The following C12orf56 variants were observed in gnomAD, a reference collection of about 807,000 sequenced individuals.
C12orf56 encodes the protein uncharacterized protein C12orf56.
A neutral mutation model predicts 69.9 loss-of-function variants in C12orf56; 71 were observed. The ratio of observed to expected loss-of-function variants is 1.02; its 90% confidence interval spans 0.84 to 1.24. The LOEUF is 1.24. Ranked by LOEUF, C12orf56 falls within the 50% of genes most tolerant of loss-of-function variation. The pLI is 0.00. For synonymous variants in C12orf56, 276 were observed against 274.1 expected (o/e 1.01, Z -0.07); for missense variants, 732 against 738.5 (o/e 0.99, Z 0.10).
At chr12:64,308,493 A>AT (rs2038546190) in intron 5 of C12orf56, among the ~76,000 whole-genome samples, 1 of 152,060 alleles carries the variant, frequency 6.6e-6, no homozygotes. Flanking sequence ...AAGCAATAAA[A>AT]TTTTTTATTA....
intron 1 of C12orf56, among the ~76,000 whole-genome samples, chr12:64,364,670 C>T (rs1312060996): frequency 6.6e-6 from 1 of 152,068 alleles, no homozygotes; most frequent in Non-Finnish European, 1.5e-5. Context: ...AGATTTCATC[C>T]CATGCACCTT....
At chr12:64,367,760 T>C (rs1178014759) in intron 1 of C12orf56, among the ~76,000 whole-genome samples, 1 of 150,694 alleles carries the variant, frequency 6.6e-6, no homozygotes, top group African/African-American at 2.4e-5. Flanking sequence ...TGCCGCAGCC[T>C]CCCAAAGTGC....
At chr12:64,349,744 A>T (rs796777825) in intron 2 of C12orf56, among the ~76,000 whole-genome samples, 104 of 152,312 alleles carry the variant, frequency 6.8e-4, no homozygotes, top group African/African-American at 2.4e-3. Flanking sequence ...AAAAGCAAAC[A>T]TTGTACATTT....
chr12:64,317,986 C>T (rs7133188), intron 4 of C12orf56, among the ~76,000 whole-genome samples: 67,811 of 151,684 alleles, frequency 0.45, 15,534 homozygotes, highest in African/African-American at 0.54. Flanking sequence ...ACACATATTC[C>T]AGGATAAGAC....
intron 5 of C12orf56, among the ~76,000 whole-genome samples, chr12:64,308,940 G>GAAAGAAAGAAAGAAAGAAAAAAGAAAGA (rs35488127): frequency 2.8e-4 from 23 of 80,872 alleles, no homozygotes; most frequent in African/African-American, 2.3e-4. Flanking sequence ...AAGAAAGAAA[G>GAAAGAAAGAAAGAAAGAAAAAAGAAAGA]AAGAAAGAAA....
At chr12:64,267,999 T>C (rs573525342) in intron 12 of C12orf56, among the ~76,000 whole-genome samples, 1 of 152,226 alleles carries the variant, frequency 6.6e-6, no homozygotes, top group African/African-American at 2.4e-5. Flanking sequence ...ATCCCTAATA[T>C]GAACATGTAA....
intron 5 of C12orf56, among the ~76,000 whole-genome samples, chr12:64,311,232 C>T (rs751419973): frequency 1.3e-5 from 2 of 151,732 alleles, no homozygotes; most frequent in Non-Finnish European, 2.9e-5. Context: ...GTCAGGAGTT[C>T]GAGACCAGCC....
At chr12:64,308,892 GAAA>G (rs1201730636) in intron 5 of C12orf56, among the ~76,000 whole-genome samples, 1 of 55,856 alleles carries the variant, frequency 1.8e-5, no homozygotes, top group African/African-American at 7.9e-5. Flanking sequence ...CAGAAAGGAA[GAAA>G]GAAAGAAAGA....
At chr12:64,300,363 G>A (rs1441152698) in intron 6 of C12orf56, among the ~76,000 whole-genome samples, 1 of 152,078 alleles carries the variant, frequency 6.6e-6, no homozygotes, top group African/African-American at 2.4e-5. Flanking sequence ...CTAGGCCACA[G>A]GTATCAGGCC....
chr12:64,315,823 G>T (rs4763015), intron 4 of C12orf56, among the ~76,000 whole-genome samples: 25 of 151,912 alleles, frequency 1.6e-4, no homozygotes, highest in Admixed American at 7.2e-4. Context: ...CCCAGCTACT[G>T]GAGAGGCTGA....
intron 1 of C12orf56, among the ~76,000 whole-genome samples, chr12:64,365,664 C>T (rs936707656): frequency 1.4e-5 from 2 of 145,624 alleles, no homozygotes; most frequent in Admixed American, 1.4e-4. Context: ...CTTTGGGAGG[C>T]TCAGGTATAT....
intron 6 of C12orf56, among the ~76,000 whole-genome samples, chr12:64,299,421 T>G (rs577410872): frequency 6.6e-6 from 1 of 152,324 alleles, no homozygotes; most frequent in Admixed American, 6.5e-5. Context: ...AATTAGAAGA[T>G]TTGTTTTAGC....
intron 4 of C12orf56, among the ~76,000 whole-genome samples, chr12:64,317,036 A>C (rs1382214973): frequency 6.6e-6 from 1 of 152,174 alleles, no homozygotes; most frequent in Non-Finnish European, 1.5e-5. Flanking sequence ...AAGTCAGGTA[A>C]GTTTTGGCTT....
chr12:64,390,300 C>G lies in C12orf56; in HGVS notation c.252+14G>C. The G allele has an allele frequency of 1.3e-6, 2 of 1,595,466 alleles. No homozygotes were observed. Among genetic ancestry groups the G allele is most frequent in the Middle Eastern group, 3.3e-4 (2 of 5,998 alleles). On this transcript the variant is annotated intron_variant, in intron 1 of 12. Transcript: ENST00000543942. Reference sequence around the variant, plus strand: ...CTGCGCTCCCGAGCCCGCCTGCCCACCCGCGCCGCTCACCAGGTCAATGGC... The same window carrying G: ...CTGCGCTCCCGAGCCCGCCTGCCCAGCCGCGCCGCTCACCAGGTCAATGGC...
At chr12:64,276,016 T>C (rs2038047550) in intron 9 of C12orf56, among the ~76,000 whole-genome samples, 1 of 143,982 alleles carries the variant, frequency 6.9e-6, no homozygotes, top group Non-Finnish European at 1.5e-5. Flanking sequence ...CCCCCGCGAG[T>C]TGAGGTGAGA....
At chr12:64,354,912 G>C (rs7958282) in intron 1 of C12orf56, among the ~76,000 whole-genome samples, 103,994 of 149,854 alleles carry the variant, frequency 0.69, 37,366 homozygotes, top group Non-Finnish European at 0.79. Context: ...AACCGTGTCT[G>C]TACTAAAATA....
At chr12:64,351,034 C>T (rs73311875) in intron 2 of C12orf56, among the ~76,000 whole-genome samples, 2,116 of 152,234 alleles carry the variant, frequency 0.014, 51 homozygotes, top group African/African-American at 0.048. Flanking sequence ...GTGAACCAAC[C>T]AGCAACCTCT....
intron 4 of C12orf56, among the ~76,000 whole-genome samples, chr12:64,313,902 G>A (rs11175337): frequency 0.27 from 40,338 of 151,456 alleles, 5,762 homozygotes; most frequent in Middle Eastern, 0.35. Context: ...AATTAGCCAG[G>A]CATGGTGGCA....
chr12:64,313,659 T>C (rs1415087193), intron 4 of C12orf56, among the ~76,000 whole-genome samples: 1 of 151,324 alleles, frequency 6.6e-6, no homozygotes, highest in Non-Finnish European at 1.5e-5. Flanking sequence ...TTATAATATA[T>C]ATTTAATCCT....
Sources: gnomAD v4.1 joint callset for allele counts (sites outside exome capture counted in the v4.1 genomes callset) on GRCh38, gnomAD v4.1.1 for gene constraint, MANE v1.5 for transcripts, NCBI Gene and HGNC (gene_info 2026-07-23, HGNC 2026-07-21) for gene names.